Variants in STPG4 observed in about 807,000 individuals in gnomAD.
The protein encoded by STPG4 is sperm-tail PG-rich repeat containing 4.
A neutral mutation model predicts 31.5 loss-of-function variants in STPG4; 41 were observed. That is an observed-to-expected ratio of 1.30 (90% CI 1.01 to 1.69). The LOEUF is 1.69. STPG4 is among the 40% of genes most tolerant of loss of function. The probability of loss-of-function intolerance (pLI) is 0.00; values close to 1 mark genes in which losing one functional copy is unlikely to be tolerated. For synonymous variants in STPG4, 141 were observed against 103.0 expected (o/e 1.37, Z -2.24); for missense variants, 375 against 293.4 (o/e 1.28, Z -2.03).
At chr2:47,095,915 AC>A (rs1220853441) in intron 5 of STPG4, among the ~76,000 whole-genome samples, 1 of 152,136 alleles carries the variant, frequency 6.6e-6, no homozygotes, top group Non-Finnish European at 1.5e-5. Context: ...CTTCCTGCCC[AC>A]TGGGCCCCTG....
At chr2:47,091,374 C>T (rs1402544132) in intron 5 of STPG4, among the ~76,000 whole-genome samples, 1 of 152,126 alleles carries the variant, frequency 6.6e-6, no homozygotes, top group Non-Finnish European at 1.5e-5. Context: ...TTGCAGGAAA[C>T]CAGGAGACAA....
rs188672195 is a variant in STPG4 at position 47,100,919 on chromosome 2, G to A, written c.520-10545C>T. On this transcript the variant is annotated intron_variant, in intron 5 of 6. Coordinates refer to ENST00000445927, the MANE Select transcript of STPG4 (RefSeq NM_001163561.2). ...CCTTAAGAGCTGTAACACTCACCAC[G>A]AGGGTCCGCGGCTTCATTCTTGAAC... is the stretch of plus-strand genomic sequence containing the variant. 7.2e-5 allele frequency among the ~76,000 whole-genome samples: 11 copies of A among 151,892 alleles called. 1 individual carries two copies. The highest frequency in any genetic ancestry group is 1.5e-4 in the Non-Finnish European group (10 of 68,014).
chr2:47,155,131 G>C, intron 1 of STPG4, 40 bp downstream of exon 1: 1 of 1,587,964 alleles, frequency 6.3e-7, no homozygotes, highest in Non-Finnish European at 8.6e-7. Context: ...GCCTGGTGAG[G>C]GGAGCAGGAG....
At chr2:47,147,289 T>C (rs769788934) in intron 3 of STPG4, among the ~76,000 whole-genome samples, 17 of 152,280 alleles carry the variant, frequency 1.1e-4, no homozygotes, top group Admixed American at 2.6e-4. Flanking sequence ...AAGAGAGACG[T>C]ACCCAGGGTT....
intron 5 of STPG4, among the ~76,000 whole-genome samples, chr2:47,123,510 T>C (rs143723377): frequency 2.0e-5 from 3 of 152,214 alleles, no homozygotes; most frequent in African/African-American, 7.2e-5. Context: ...CTGACAGTTA[T>C]GAATGCTATG....
At chr2:47,119,476 CTGAAT>C (rs1558679395) in intron 5 of STPG4, among the ~76,000 whole-genome samples, 1 of 152,136 alleles carries the variant, frequency 6.6e-6, no homozygotes, top group South Asian at 2.1e-4. Context: ...ATTGTCCTGC[CTGAAT>C]TATTTTTCAG....
At position 47,143,488 on chromosome 2, in the gene STPG4, A is replaced by AT. The variant is rs770942066; in HGVS notation, c.399+7769dup. On this transcript the variant is annotated intron_variant, in intron 3 of 6. Coordinates refer to ENST00000445927, the MANE Select transcript of STPG4 (RefSeq NM_001163561.2). ...AATTGCCAGCTCATGCCCTTTGCTC[A>AT]TTTTTTTTTTTTTTTGAGACAGATT... 4.3e-3 allele frequency among the ~76,000 whole-genome samples: 591 copies of AT among 137,712 alleles called. 1 individual carries two copies. The highest frequency in any genetic ancestry group is 0.011 in the East Asian group (50 of 4,752). The allele number at this position is 137,712 out of a possible 152,430, so 90.3% of individuals were successfully genotyped here.
chr2:47,111,488 T>C (rs74425528), intron 5 of STPG4, among the ~76,000 whole-genome samples: 1 of 152,116 alleles, frequency 6.6e-6, no homozygotes, highest in East Asian at 1.9e-4. Context: ...AAACTACAAA[T>C]GAAAGTTTTG....
intron 5 of STPG4, among the ~76,000 whole-genome samples, chr2:47,093,494 G>A (rs1019294771): frequency 6.6e-6 from 1 of 152,190 alleles, no homozygotes; most frequent in Non-Finnish European, 1.5e-5. Context: ...ATGAGTAGCT[G>A]GGGCAAGAGA....
chr2:47,151,404 G>C lies in STPG4; in HGVS notation c.253C>G (p.Leu85Val), dbSNP rs201778591. The change falls in exon 3 of 7, where the codon CTT (leucine) becomes GTT (valine). Residue 85 changes from leucine (L) to valine (V), a missense_variant. Leu to Val is a conservative substitution (Grantham distance 32). Coordinates refer to ENST00000445927, the MANE Select transcript of STPG4 (RefSeq NM_001163561.2). ...FKNEGRKKPP[L>V]VQRNNPVLND... ...AGGACTGGATTGTTTCTTTGCACAA[G>C]AGGTGGCTTTTTCCTTCCTTCGTTT... 2 of 1,614,206 alleles carry C rather than the reference G, an allele frequency of 1.2e-6. No individual in the cohort carries two copies. Among genetic ancestry groups the C allele is most frequent in the Non-Finnish European group, 1.7e-6 (2 of 1,180,030 alleles).
At chr2:47,149,499 T>G (rs1686895865) in intron 3 of STPG4, among the ~76,000 whole-genome samples, 1 of 152,222 alleles carries the variant, frequency 6.6e-6, no homozygotes. Flanking sequence ...AGAGTTTGTA[T>G]GCATCCACTG....
At chr2:47,130,818 T>A (rs1420592082) in intron 3 of STPG4, among the ~76,000 whole-genome samples, 2 of 150,920 alleles carry the variant, frequency 1.3e-5, no homozygotes, top group African/African-American at 4.9e-5. Context: ...CCCAGCCACA[T>A]TTTTTTTTCT....
chr2:47,137,889 T>C (rs910075169), intron 3 of STPG4, among the ~76,000 whole-genome samples: 106 of 152,282 alleles, frequency 7.0e-4, no homozygotes, highest in African/African-American at 2.5e-3. Flanking sequence ...CCTAGATAGA[T>C]GCTTATCAAT....
intron 3 of STPG4, among the ~76,000 whole-genome samples, chr2:47,130,803 C>T (rs973798476): frequency 6.6e-6 from 1 of 152,036 alleles, no homozygotes; most frequent in African/African-American, 2.4e-5. Context: ...GCATGAACTA[C>T]CGTGCCCAGC....
chr2:47,154,596 C>T (rs1020772707), intron 1 of STPG4, among the ~76,000 whole-genome samples: 2 of 152,172 alleles, frequency 1.3e-5, no homozygotes, highest in African/African-American at 4.8e-5. Flanking sequence ...CCAGCCATGG[C>T]GGTGCATGCC....
chr2:47,108,852 T>A (rs1685978307), intron 5 of STPG4: 1 of 152,268 alleles, frequency 6.6e-6, no homozygotes, highest in Non-Finnish European at 1.5e-5. Flanking sequence ...AACTGGCCAA[T>A]CAGAGGAGCC....
chr2:47,102,449 G>T (rs1021646233), intron 5 of STPG4, among the ~76,000 whole-genome samples: 6 of 151,722 alleles, frequency 4.0e-5, no homozygotes, highest in Admixed American at 2.6e-4. Flanking sequence ...GGGGAAAAAT[G>T]GTCATCTGAG....
At chr2:47,106,171 G>A (rs1283133961) in intron 5 of STPG4, among the ~76,000 whole-genome samples, 2 of 151,948 alleles carry the variant, frequency 1.3e-5, no homozygotes, top group African/African-American at 2.4e-5. Flanking sequence ...AAAAAACACT[G>A]TATCCCATTC....
chr2:47,090,490 A>G (rs974883337), intron 5 of STPG4, 116 bp from the exon 6 acceptor site: 28 of 712,690 alleles, frequency 3.9e-5, no homozygotes, highest in Admixed American at 3.8e-4. Flanking sequence ...GAAAAATCCC[A>G]TATTTGGTCT....
Sources: allele counts gnomAD v4.1 joint callset (sites outside exome capture counted in the v4.1 genomes callset), GRCh38; gene constraint gnomAD v4.1.1; transcripts MANE v1.5; gene names NCBI Gene and HGNC (gene_info 2026-07-23, HGNC 2026-07-21).